The following DNAH11 variants were observed in gnomAD, a reference collection of about 807,000 sequenced individuals.
DNAH11 encodes the protein dynein axonemal heavy chain 11.
A neutral mutation model predicts 526.0 loss-of-function variants in DNAH11; 442 were observed. The ratio of observed to expected loss-of-function variants is 0.84; its 90% CI spans 0.78 to 0.91. The LOEUF is 0.91. DNAH11 is among the 40% of genes least tolerant of loss of function. The pLI is 0.00. For synonymous variants in DNAH11, 2,461 were observed against 1,935.9 expected (o/e 1.27, Z -7.12); for missense variants, 6,989 against 5,448.7 (o/e 1.28, Z -8.90).
intron 30 of DNAH11, among the ~76,000 whole-genome samples, chr7:21,669,153 T>G (rs1782536607): frequency 6.6e-6 from 1 of 152,104 alleles, no homozygotes; most frequent in Non-Finnish European, 1.5e-5. Flanking sequence ...CTTTTGATCT[T>G]TTGCTCCATT....
At chr7:21,818,019 T>C (rs1419232510) in intron 64 of DNAH11, among the ~76,000 whole-genome samples, 198 bp from the exon 65 acceptor site, 1 of 152,184 alleles carries the variant, frequency 6.6e-6, no homozygotes, top group African/African-American at 2.4e-5. Flanking sequence ...TTCGAAAATA[T>C]GACTAAAATG....
At chr7:21,856,907 C>T (rs771127693) in intron 68 of DNAH11, among the ~76,000 whole-genome samples, 1 of 152,148 alleles carries the variant, frequency 6.6e-6, no homozygotes, top group Non-Finnish European at 1.5e-5. Flanking sequence ...ATGCTTTTCG[C>T]TAAAATCAGG....
chr7:21,790,604 C>T (rs1469520343), intron 61 of DNAH11, among the ~76,000 whole-genome samples: 2 of 152,054 alleles, frequency 1.3e-5, no homozygotes, highest in Admixed American at 6.5e-5. Flanking sequence ...ATACCGAGCC[C>T]GAAGAAATTA....
chr7:21,665,516 C>T (rs946465851), intron 30 of DNAH11, among the ~76,000 whole-genome samples: 3 of 152,128 alleles, frequency 2.0e-5, no homozygotes, highest in Admixed American at 6.6e-5. Flanking sequence ...TCCACTCCTT[C>T]CCCTGTCAAC....
intron 28 of DNAH11, among the ~76,000 whole-genome samples, chr7:21,645,311 G>A (rs916908841): frequency 6.6e-6 from 1 of 152,170 alleles, no homozygotes; most frequent in Non-Finnish European, 1.5e-5. Context: ...GCTTTTCACA[G>A]AGTACTGTTC....
At chr7:21,643,097 C>T (rs1462360416) in intron 28 of DNAH11, among the ~76,000 whole-genome samples, 1 of 152,144 alleles carries the variant, frequency 6.6e-6, no homozygotes, top group Non-Finnish European at 1.5e-5. Context: ...GGTGTATTTG[C>T]AGGATTCATT....
intron 62 of DNAH11, among the ~76,000 whole-genome samples, chr7:21,805,472 T>C (rs1789222479): frequency 6.6e-6 from 1 of 152,146 alleles, no homozygotes; most frequent in South Asian, 2.1e-4. Flanking sequence ...TGTATTAAAA[T>C]TCTGGAGCCT....
chr7:21,635,822 C>G, intron 25 of DNAH11, 49 bp from the exon 26 acceptor site: 2 of 1,473,768 alleles, frequency 1.4e-6, no homozygotes, highest in Non-Finnish European at 1.8e-6. Flanking sequence ...ATAGCACTCA[C>G]ATTCTACTAA....
intron 48 of DNAH11, among the ~76,000 whole-genome samples, chr7:21,740,696 T>C (rs1785842364): frequency 6.6e-6 from 1 of 152,238 alleles, no homozygotes; most frequent in Admixed American, 6.5e-5. Context: ...GATGAACAAA[T>C]GTATCTTCAA....
At chr7:21,712,059 G>T (rs931278966) in intron 42 of DNAH11, among the ~76,000 whole-genome samples, 199 bp downstream of exon 42, 26 of 152,058 alleles carry the variant, frequency 1.7e-4, no homozygotes, top group Admixed American at 4.6e-4. Flanking sequence ...CCCAGCTCTT[G>T]GCAACCTTCA....
Position 21,591,452 on chromosome 7 carries a change from G to A in DNAH11, c.2542G>A (p.Val848Met), listed in dbSNP as rs80328282. Residue 848 changes from valine (V) to methionine (M), a missense_variant, in exon 14 of 82, where the codon GTG (valine) becomes ATG (methionine). Val to Met is a conservative substitution (Grantham distance 21, BLOSUM62 1). Transcript: ENST00000409508. ...QQTMRGWARCVLPPRREHRRE... is the reference protein window; with the variant it reads ...QQTMRGWARCMLPPRREHRRE... ...GACCATGAGGGGCTGGGCCAGGTGC[G>A]TGCTACCTCCCAGGAGAGAGCACAG... 1,428 of 1,613,940 alleles carry A rather than the reference G, an allele frequency of 8.8e-4. 17 individuals are homozygous for A. The East Asian group carries it at 0.025, about 29-fold the overall frequency.
chr7:21,603,314 A>T (rs922108134), intron 18 of DNAH11, among the ~76,000 whole-genome samples: 3 of 152,320 alleles, frequency 2.0e-5, no homozygotes, highest in Middle Eastern at 3.4e-3. Flanking sequence ...TCGTCTGTCA[A>T]TGGACATTTG....
chr7:21,569,576 CAGAAG>C (rs1206950767), intron 6 of DNAH11, among the ~76,000 whole-genome samples: 5 of 152,278 alleles, frequency 3.3e-5, no homozygotes, highest in African/African-American at 9.6e-5. Flanking sequence ...CTTGAGCCCC[CAGAAG>C]AGAAGTTTGC....
intron 81 of DNAH11, 25 bp downstream of exon 81, chr7:21,900,145 G>A (rs374142830): frequency 3.1e-6 from 5 of 1,587,952 alleles, no homozygotes; most frequent in Non-Finnish European, 4.3e-6. Flanking sequence ...GGGGTAAGTG[G>A]GGAACCTTTT....
At chr7:21,847,571 C>A (rs1433537948) in intron 66 of DNAH11, among the ~76,000 whole-genome samples, 1 of 152,088 alleles carries the variant, frequency 6.6e-6, no homozygotes, top group Non-Finnish European at 1.5e-5. Context: ...TTCTTTTAAA[C>A]CTTTTTGGTG....
chr7:21,771,238 C>T (rs1424228155), intron 55 of DNAH11, among the ~76,000 whole-genome samples: 1 of 152,112 alleles, frequency 6.6e-6, no homozygotes, highest in Non-Finnish European at 1.5e-5. Context: ...CTCTTGAAAG[C>T]CCAAATTTAG....
At chr7:21,728,710 G>A (rs796609070) in intron 45 of DNAH11, among the ~76,000 whole-genome samples, 7 of 152,184 alleles carry the variant, frequency 4.6e-5, no homozygotes, top group African/African-American at 1.2e-4. Flanking sequence ...CTCTAGCTGT[G>A]AACTTACAAA....
chr7:21,712,843 G>C (rs1784511134), intron 42 of DNAH11, among the ~76,000 whole-genome samples: 1 of 152,166 alleles, frequency 6.6e-6, no homozygotes, highest in Non-Finnish European at 1.5e-5. Context: ...CTAATTAAAA[G>C]TTAATTAACT....
intron 65 of DNAH11, among the ~76,000 whole-genome samples, chr7:21,832,729 T>A (rs968265283): frequency 2.6e-5 from 4 of 152,194 alleles, no homozygotes; most frequent in Admixed American, 2.6e-4. Flanking sequence ...TGTGATCCTC[T>A]AGAGTGGCAG....
Sources: gnomAD v4.1 joint callset for allele counts (sites outside exome capture counted in the v4.1 genomes callset) on GRCh38, gnomAD v4.1.1 for gene constraint, MANE v1.5 for transcripts, NCBI Gene and HGNC (gene_info 2026-07-23, HGNC 2026-07-21) for gene names.